The following ASZ1 variants were observed in gnomAD, a reference collection of about 807,000 sequenced individuals.
ASZ1 encodes the protein ankyrin repeat, SAM and basic leucine zipper domain-containing protein 1.
A neutral mutation model predicts 61.8 loss-of-function variants in ASZ1; 67 were observed. The ratio of observed to expected loss-of-function variants is 1.08; its 90% CI spans 0.89 to 1.33. ASZ1 has a LOEUF of 1.33. ASZ1 is among the 40% of genes most tolerant of loss of function. ASZ1 has a pLI of 0.00. For missense variants in ASZ1, 577 were observed against 554.5 expected (o/e 1.04, Z -0.41); for synonymous variants, 193 against 192.7 (o/e 1.00, Z -0.01).
At chr7:117,374,327 C>G (rs1245612548) in intron 10 of ASZ1, among the ~76,000 whole-genome samples, 1 of 152,004 alleles carries the variant, frequency 6.6e-6, no homozygotes, top group African/African-American at 2.4e-5. Context: ...GGATATAATT[C>G]ATTAACTCAT....
At chr7:117,372,889 A>C (rs191475482) in intron 10 of ASZ1, among the ~76,000 whole-genome samples, 2 of 152,122 alleles carry the variant, frequency 1.3e-5, no homozygotes, top group Non-Finnish European at 2.9e-5. Flanking sequence ...CATGACATTA[A>C]GTTTCAAAAT....
chr7:117,363,460 C>A lies in ASZ1; in HGVS notation c.*136G>T. 1 of 674,354 alleles carries A rather than the reference C, an allele frequency of 1.5e-6. No homozygotes were observed. 41.8% of individuals were successfully genotyped at this position (674,354 alleles called of 1,614,324 possible). A position where few individuals can be genotyped will look rare whatever the true frequency, so the allele number is the denominator to read the frequency against. ...TAACAAACCACTTTTTAAAAAAAAA[C>A]TCCACATTGTCAAAATTTTTCCTAT... is the stretch of plus-strand genomic sequence containing the variant. On this transcript the variant is annotated 3_prime_UTR_variant, in exon 13 of 13. Coordinates refer to ENST00000284629, the MANE Select transcript of ASZ1 (RefSeq NM_130768.3).
At chr7:117,377,803 A>C (rs977408774) in intron 10 of ASZ1, among the ~76,000 whole-genome samples, 5 of 152,190 alleles carry the variant, frequency 3.3e-5, no homozygotes, top group African/African-American at 1.2e-4. Flanking sequence ...TTTACCATAT[A>C]GTTAGAGTAA....
chr7:117,405,852 T>A (rs1796772560), intron 4 of ASZ1, among the ~76,000 whole-genome samples: 1 of 152,236 alleles, frequency 6.6e-6, no homozygotes, highest in Admixed American at 6.5e-5. Context: ...AAACTGCAAC[T>A]ATTTCTAAGA....
intron 10 of ASZ1, among the ~76,000 whole-genome samples, chr7:117,379,174 C>G (rs1046364203): frequency 1.6e-5 from 2 of 126,302 alleles, no homozygotes; most frequent in African/African-American, 6.7e-5. Context: ...TATATACACA[C>G]ACACACACAC....
At chr7:117,384,138 G>C (rs1046761335) in intron 6 of ASZ1, among the ~76,000 whole-genome samples, 1 of 152,046 alleles carries the variant, frequency 6.6e-6, no homozygotes, top group East Asian at 1.9e-4. Context: ...AGAAGTTACA[G>C]ACTTGTGGCT....
intron 4 of ASZ1, among the ~76,000 whole-genome samples, chr7:117,392,625 A>C (rs187044872): frequency 1.5e-4 from 23 of 152,254 alleles, no homozygotes; most frequent in Admixed American, 8.5e-4. Context: ...CAGGTATAGA[A>C]TAATACAATA....
intron 4 of ASZ1, among the ~76,000 whole-genome samples, chr7:117,415,982 G>A (rs1424984440): frequency 6.6e-6 from 1 of 152,166 alleles, no homozygotes; most frequent in Non-Finnish European, 1.5e-5. Context: ...CTTAAGGTTA[G>A]AAGTTCGAGA....
chr7:117,422,456 T>A (rs1294418949), intron 2 of ASZ1, 97 bp from the exon 3 acceptor site: 3 of 1,304,630 alleles, frequency 2.3e-6, no homozygotes, highest in Non-Finnish European at 3.1e-6. Flanking sequence ...GTGACGTACA[T>A]CATGTACTTT....
At chr7:117,369,782 A>C (rs1453981319) in intron 10 of ASZ1, among the ~76,000 whole-genome samples, 1 of 152,202 alleles carries the variant, frequency 6.6e-6, no homozygotes, top group Non-Finnish European at 1.5e-5. Context: ...ATGGTGGGGA[A>C]AACAGTGGGA....
intron 4 of ASZ1, among the ~76,000 whole-genome samples, chr7:117,399,204 T>A (rs1430910187): frequency 6.6e-6 from 1 of 152,132 alleles, no homozygotes; most frequent in Non-Finnish European, 1.5e-5. Flanking sequence ...CACTCCACCC[T>A]GGGCACAGAG....
At chr7:117,425,255 A>ATT (rs1004795019) in intron 2 of ASZ1, among the ~76,000 whole-genome samples, 997 of 86,348 alleles carry the variant, frequency 0.012, 16 homozygotes, top group African/African-American at 0.029. Flanking sequence ...CCTTTGAGTA[A>ATT]TTTCTTTTTT....
At chr7:117,387,098 G>A (rs1018895570) in intron 4 of ASZ1, among the ~76,000 whole-genome samples, 5 of 147,984 alleles carry the variant, frequency 3.4e-5, no homozygotes, top group East Asian at 2.0e-4. Flanking sequence ...CCAGGAGTTC[G>A]AGACCAGCCT....
At chr7:117,373,018 A>G (rs1417217446) in intron 10 of ASZ1, among the ~76,000 whole-genome samples, 1 of 152,146 alleles carries the variant, frequency 6.6e-6, no homozygotes, top group African/African-American at 2.4e-5. Flanking sequence ...TGAACAATAC[A>G]CTTTTACATA....
chr7:117,390,044 G>A (rs1362475822), intron 4 of ASZ1, among the ~76,000 whole-genome samples: 1 of 152,084 alleles, frequency 6.6e-6, no homozygotes, highest in African/African-American at 2.4e-5. Context: ...CCAGCTGCAT[G>A]CGTGCTGCTG....
chr7:117,426,505 A>AAG (rs1797217704), intron 2 of ASZ1, among the ~76,000 whole-genome samples: 1 of 150,044 alleles, frequency 6.7e-6, no homozygotes, highest in Non-Finnish European at 1.5e-5. Context: ...AAAAAAAAAA[A>AAG]AAAAAGAAAA....
chr7:117,427,492 G>A lies in ASZ1; in HGVS notation c.-32C>T, dbSNP rs752463025. The A allele has an allele frequency of 3.8e-5, 61 of 1,606,612 alleles. No homozygotes were observed. The highest frequency in any genetic ancestry group is 5.2e-5 in the Non-Finnish European group (61 of 1,174,162). On this transcript the variant is annotated 5_prime_UTR_variant, in exon 1 of 13. Transcript: ENST00000284629. ...CAAGGAAGCTCCCTGTCGGCACCGC[G>A]CGCCCTTCAGCTCTCCGGGCGCATG... is the stretch of plus-strand genomic sequence containing the variant.
In ASZ1 at chr7:117,363,750, T is replaced by C; in HGVS notation, c.1276-2A>G. 1 of 1,560,114 alleles carries C rather than the reference T, an allele frequency of 6.4e-7. No homozygotes were observed. The highest frequency in any genetic ancestry group is 1.2e-5 in the South Asian group (1 of 81,772). On this transcript the variant is annotated splice_acceptor_variant, in intron 12 of 12. Transcript: ENST00000284629. LOFTEE classifies it high-confidence loss of function. ...ATCATTTTCCCGTTCATTTTGCAAC[T>C]AATATTTAGTATGGAAAAAGAAAAG...
intron 7 of ASZ1, among the ~76,000 whole-genome samples, 198 bp downstream of exon 7, chr7:117,382,785 GTTA>G (rs1796279233): frequency 2.6e-5 from 4 of 151,848 alleles, no homozygotes; most frequent in African/African-American, 7.3e-5. Flanking sequence ...TACATTTAAA[GTTA>G]TTATCATTAG....
Sources: allele counts gnomAD v4.1 joint callset (sites outside exome capture counted in the v4.1 genomes callset), GRCh38; gene constraint gnomAD v4.1.1; transcripts MANE v1.5; gene names NCBI Gene and HGNC (gene_info 2026-07-23, HGNC 2026-07-21).